The following MICAL3 variants were observed in gnomAD, a reference collection of about 807,000 sequenced individuals.
MICAL3 encodes the protein microtubule associated monooxygenase, calponin and LIM domain containing 3, also known as [F-actin]-monooxygenase MICAL3.
A neutral mutation model predicts 207.4 loss-of-function variants in MICAL3; 62 were observed. The observed-to-expected ratio is 0.30, with a 90% CI of 0.24 to 0.37. MICAL3 has a LOEUF of 0.37. Ranked by LOEUF, MICAL3 falls within the 10% of genes least tolerant of loss-of-function variation. The pLI, the probability that MICAL3 is intolerant of heterozygous loss-of-function variation, is 1.00. For synonymous variants in MICAL3, 1,077 were observed against 1,069.3 expected (o/e 1.01, Z -0.14); for missense variants, 2,368 against 2,635.6 (o/e 0.90, Z 2.22).
intron 16 of MICAL3, among the ~76,000 whole-genome samples, chr22:17,877,592 T>TAGGGAGGTG (rs1928978857): frequency 1.4e-5 from 2 of 146,322 alleles, no homozygotes; most frequent in African/African-American, 5.1e-5. Context: ...TTATGGAGGT[T>TAGGGAGGTG]AGGGAGGTTA....
chr22:17,893,491 C>T (rs1049894546), intron 11 of MICAL3, among the ~76,000 whole-genome samples: 15 of 152,296 alleles, frequency 9.8e-5, no homozygotes, highest in Middle Eastern at 3.4e-3. Flanking sequence ...CTCTGCCCCG[C>T]GTCTGTACCT....
intron 19 of MICAL3, among the ~76,000 whole-genome samples, chr22:17,852,641 A>AGG (rs1925455491): frequency 6.6e-6 from 1 of 152,170 alleles, no homozygotes; most frequent in Non-Finnish European, 1.5e-5. Flanking sequence ...TTTCCTCCAA[A>AGG]GGGGCCACCT....
intron 16 of MICAL3, among the ~76,000 whole-genome samples, chr22:17,884,789 G>A (rs548340789): frequency 1.1e-4 from 16 of 152,148 alleles, no homozygotes; most frequent in Non-Finnish European, 2.2e-4. Flanking sequence ...AACCACAACC[G>A]TTTATCAATG....
chr22:18,020,862 C>A (rs1924426241), intron 1 of MICAL3, among the ~76,000 whole-genome samples: 1 of 151,312 alleles, frequency 6.6e-6, no homozygotes, highest in Non-Finnish European at 1.5e-5. Context: ...TGCAGTGAGC[C>A]AAGATCTCAT....
chr22:17,863,115 A>G (rs1926694964), intron 19 of MICAL3: 3 of 985,298 alleles, frequency 3.0e-6, no homozygotes, highest in Admixed American at 6.1e-5. Flanking sequence ...AGAACTCCTA[A>G]AAACCTGAAA....
chr22:17,861,456 C>T, intron 19 of MICAL3: 5 of 985,454 alleles, frequency 5.1e-6, no homozygotes, highest in Non-Finnish European at 6.0e-6. Context: ...GGAAAAAGCT[C>T]TTCTGTTCCT....
At chr22:17,797,621 C>T (rs1473817121) in intron 29 of MICAL3, among the ~76,000 whole-genome samples, 2 of 152,190 alleles carry the variant, frequency 1.3e-5, no homozygotes, top group Non-Finnish European at 2.9e-5. Flanking sequence ...GCATTTCCGA[C>T]TCAATCATTC....
intron 16 of MICAL3, chr22:17,881,294 T>C (rs751231467): frequency 1.2e-6 from 2 of 1,605,842 alleles, no homozygotes; most frequent in African/African-American, 1.3e-5. Context: ...GAACACTCCT[T>C]TTCCCGTTGC....
At chr22:17,887,949 G>A (rs879697863) in intron 13 of MICAL3, among the ~76,000 whole-genome samples, 1 of 152,168 alleles carries the variant, frequency 6.6e-6, no homozygotes, top group Non-Finnish European at 1.5e-5. Context: ...AGAACGTCAT[G>A]GCTAACCAGG....
At chr22:17,909,385 T>G (rs901334050) in intron 1 of MICAL3, among the ~76,000 whole-genome samples, 2 of 152,106 alleles carry the variant, frequency 1.3e-5, no homozygotes, top group African/African-American at 4.8e-5. Flanking sequence ...ATTAGCCAGG[T>G]GTGGTGGCAC....
chr22:17,992,607 C>T (rs1303108635), intron 1 of MICAL3, among the ~76,000 whole-genome samples: 1 of 152,104 alleles, frequency 6.6e-6, no homozygotes, highest in East Asian at 1.9e-4. Context: ...GTAGGAATCC[C>T]CCCTGCTCCC....
In MICAL3 at chr22:17,940,201, A is replaced by G. The variant is rs149062607; in HGVS notation, c.-74-33315T>C. Among the ~76,000 whole-genome samples the G allele has an allele frequency of 2.6e-4, 39 of 152,374 alleles. No homozygotes were observed. In the East Asian group the frequency reaches 7.1e-3, roughly 28 times the overall value. On this transcript the variant is annotated intron_variant, in intron 1 of 31. Transcript: ENST00000441493. Reference sequence around the variant, plus strand: ...GGGCCAGTTGGATACAACTTCCAAAATAAGACTTCTTATGGTGAAAAGTAT... The same window carrying G: ...GGGCCAGTTGGATACAACTTCCAAAGTAAGACTTCTTATGGTGAAAAGTAT...
chr22:17,872,941 A>G, intron 16 of MICAL3: 1 of 910,784 alleles, frequency 1.1e-6, no homozygotes, highest in Non-Finnish European at 1.8e-6. Flanking sequence ...GGGGAAAAAA[A>G]GAAATCTTTG....
At chr22:17,911,956 T>C (rs904401837) in intron 1 of MICAL3, among the ~76,000 whole-genome samples, 5 of 101,350 alleles carry the variant, frequency 4.9e-5, no homozygotes, top group Non-Finnish European at 9.1e-5. Context: ...CATAGGCAAC[T>C]TAGCATCATT....
intron 1 of MICAL3, among the ~76,000 whole-genome samples, chr22:17,963,213 A>G (rs1934994439): frequency 6.6e-6 from 1 of 152,110 alleles, no homozygotes; most frequent in African/African-American, 2.4e-5. Context: ...CCCAGGCTCA[A>G]GTGGTCCTCC....
chr22:17,979,781 A>AC (rs1935821805), intron 1 of MICAL3, among the ~76,000 whole-genome samples: 1 of 101,804 alleles, frequency 9.8e-6, no homozygotes, highest in Non-Finnish European at 2.1e-5. Context: ...GGATTTAAAA[A>AC]AACAAAAAAA....
At chr22:18,000,877 G>A (rs2146488082) in intron 1 of MICAL3, among the ~76,000 whole-genome samples, 1 of 152,300 alleles carries the variant, frequency 6.6e-6, no homozygotes, top group South Asian at 2.1e-4. Context: ...AGGCCCCGAG[G>A]GCCAGGCCGC....
At chr22:17,952,961 A>G (rs1473734535) in intron 1 of MICAL3, among the ~76,000 whole-genome samples, 2 of 152,218 alleles carry the variant, frequency 1.3e-5, no homozygotes, top group African/African-American at 2.4e-5. Context: ...CGGAGCAGCT[A>G]TCCAACAAAG....
In MICAL3 at chr22:17,906,937, T is replaced by C. The variant is rs1931765552; in HGVS notation, c.-74-51A>G. 9 of 957,584 alleles carry C rather than the reference T, an allele frequency of 9.4e-6. No homozygotes were observed. In the South Asian group the frequency reaches 1.4e-4, roughly 15 times the overall value. The allele number at this position is 957,584 out of a possible 1,614,324, so 59.3% of individuals were successfully genotyped here. A position where few individuals can be genotyped will look rare whatever the true frequency, so the allele number is the denominator to read the frequency against. ...TTAGCATTTCTCTGTCTACAAACAT[T>C]CTCCAGGAGACATATTCCTCTTCAA... is the stretch of plus-strand genomic sequence containing the variant. On this transcript the variant is annotated intron_variant, in intron 1 of 31. Coordinates refer to ENST00000441493, the MANE Select transcript of MICAL3 (RefSeq NM_015241.3).
Sources: allele counts gnomAD v4.1 joint callset (sites outside exome capture counted in the v4.1 genomes callset), GRCh38; gene constraint gnomAD v4.1.1; transcripts MANE v1.5; gene names NCBI Gene and HGNC (gene_info 2026-07-23, HGNC 2026-07-21).